Variants in PCCB observed in about 807,000 individuals in gnomAD.
PCCB encodes propionyl-CoA carboxylase subunit beta, also known as propionyl-CoA carboxylase beta chain, mitochondrial.
Under a neutral mutation model 60.7 loss-of-function variants are expected in PCCB, and 43 were observed. The ratio of observed to expected loss-of-function variants is 0.71; its 90% CI spans 0.55 to 0.91. The LOEUF is 0.91. PCCB is among the 40% of genes least tolerant of loss of function. PCCB has a pLI of 0.00. For synonymous variants in PCCB, 276 were observed against 255.9 expected (o/e 1.08, Z -0.75); for missense variants, 766 against 702.8 (o/e 1.09, Z -1.02).
intron 14 of PCCB, among the ~76,000 whole-genome samples, 156 bp downstream of exon 14, chr3:136,329,013 C>G (rs1028753221): frequency 2.6e-5 from 4 of 152,242 alleles, no homozygotes; most frequent in African/African-American, 9.6e-5. Context: ...ATCACTTGGA[C>G]TAAGGACTGT....
At position 136,283,302 on chromosome 3, in the gene PCCB, G is replaced by A. The variant is rs981980061; in HGVS notation, c.544-535G>A. Among the ~76,000 whole-genome samples, 8 of 152,010 alleles carry A rather than the reference G, an allele frequency of 5.3e-5. No individual in the cohort carries two copies. The South Asian group carries it at 6.2e-4, about 12-fold the overall frequency. On this transcript the variant is annotated intron_variant, in intron 5 of 14. Transcript: ENST00000251654. ...TGGAGGCTTTCTGGCTCCTTCTACC[G>A]CCTTCTCTCCTGCATTCCTTGTCTG...
At chr3:136,315,174 G>T (rs1934836715) in intron 9 of PCCB, among the ~76,000 whole-genome samples, 1 of 152,200 alleles carries the variant, frequency 6.6e-6, no homozygotes, top group African/African-American at 2.4e-5. Flanking sequence ...TTCTGGACCA[G>T]AATTTTGTTG....
chr3:136,267,178 C>T (rs1942026453), intron 5 of PCCB, among the ~76,000 whole-genome samples: 1 of 152,264 alleles, frequency 6.6e-6, no homozygotes, highest in South Asian at 2.1e-4. Flanking sequence ...AGCCAGCACA[C>T]TCAGCCTATT....
intron 6 of PCCB, among the ~76,000 whole-genome samples, chr3:136,286,901 C>T (rs770064306): frequency 4.0e-5 from 6 of 151,868 alleles, no homozygotes; most frequent in Non-Finnish European, 8.8e-5. Flanking sequence ...CGTGGTGGTA[C>T]GTGCTTGTAA....
At chr3:136,292,183 C>G (rs1023673394) in intron 6 of PCCB, among the ~76,000 whole-genome samples, 1 of 151,230 alleles carries the variant, frequency 6.6e-6, no homozygotes, top group African/African-American at 2.4e-5. Flanking sequence ...GAAGGAGTAT[C>G]AACTTTTAGC....
Position 136,256,632 on chromosome 3 carries a change from T to A in PCCB, c.372+9T>A. On this transcript the variant is annotated intron_variant, in intron 3 of 14. Coordinates refer to ENST00000251654, the MANE Select transcript of PCCB (RefSeq NM_000532.5). Reference sequence around the variant, plus strand: ...TTTATGTCTTCAGTCAGGTATTTCATAACTCCAATAGTCTGAACTTTTCTT... The same window carrying A: ...TTTATGTCTTCAGTCAGGTATTTCAAAACTCCAATAGTCTGAACTTTTCTT... The A allele has an allele frequency of 6.3e-7, 1 of 1,588,554 alleles. No homozygotes were observed. Among genetic ancestry groups the A allele is most frequent in the Non-Finnish European group, 8.6e-7 (1 of 1,156,664 alleles).
At position 136,254,210 on chromosome 3, in the gene PCCB, G is replaced by A. The variant is rs1236681282; in HGVS notation, c.184-1646G>A. Among the ~76,000 whole-genome samples the A allele has an allele frequency of 2.6e-5, 4 of 151,606 alleles. No homozygotes were observed. In the South Asian group the frequency reaches 8.3e-4, roughly 32 times the overall value. On this transcript the variant is annotated intron_variant, in intron 1 of 14. Coordinates refer to ENST00000251654, the MANE Select transcript of PCCB (RefSeq NM_000532.5). ...GAGCTTGGGAGCCCAAGCAATGGCG[G>A]CTTTTTTTTGTTTGTTTTTGTTTTT...
At chr3:136,260,439 G>A in intron 3 of PCCB, 40 bp from the exon 4 acceptor site, 1 of 1,540,896 alleles carries the variant, frequency 6.5e-7, no homozygotes, top group East Asian at 2.2e-5. Flanking sequence ...TCTCTAGCCA[G>A]TCACTATATT....
At chr3:136,257,882 G>C (rs1248003524) in intron 3 of PCCB, among the ~76,000 whole-genome samples, 3 of 152,158 alleles carry the variant, frequency 2.0e-5, no homozygotes, top group Non-Finnish European at 2.9e-5. Context: ...GCAGTGAGCC[G>C]AGTTTGCGCC....
At chr3:136,317,681 C>T (rs528777526) in intron 10 of PCCB, among the ~76,000 whole-genome samples, 2 of 152,252 alleles carry the variant, frequency 1.3e-5, no homozygotes, top group African/African-American at 4.8e-5. Flanking sequence ...ATGACTCACC[C>T]ACTAATCATG....
chr3:136,316,970 C>T lies in PCCB; in HGVS notation c.996C>T (p.Ile332=), dbSNP rs773854246. The change falls in exon 10 of 15, where the codon ATC becomes ATT. Residue 332 remains isoleucine, a synonymous_variant. Transcript: ENST00000251654. ...TTGATGAGCGTGAATTTTTTGAGAT[C>T]ATGCCCAATTATGCCAAGAACATCA... ...SVVDEREFFE[I]MPNYAKNIIV... is the part of the protein sequence containing the mutation. 3.1e-6 allele frequency: 5 copies of T among 1,614,040 alleles called. No homozygotes were observed. In the Admixed American group the frequency reaches 8.3e-5, roughly 27 times the overall value.
At chr3:136,305,140 G>A (rs1219197499) in intron 9 of PCCB, among the ~76,000 whole-genome samples, 2 of 120,406 alleles carry the variant, frequency 1.7e-5, no homozygotes, top group African/African-American at 2.5e-5. Flanking sequence ...TGTTGCCCAG[G>A]CCAGTGTGCA....
At chr3:136,259,590 C>G (rs1325185858) in intron 3 of PCCB, among the ~76,000 whole-genome samples, 1 of 152,142 alleles carries the variant, frequency 6.6e-6, no homozygotes, top group Non-Finnish European at 1.5e-5. Flanking sequence ...AACTGCAAAT[C>G]ATTTCTTTTT....
chr3:136,299,436 GTA>G (rs753158095), intron 8 of PCCB, among the ~76,000 whole-genome samples: 2 of 151,756 alleles, frequency 1.3e-5, no homozygotes, highest in Non-Finnish European at 2.9e-5. Context: ...GTATGCTTAT[GTA>G]TATATGCATA....
intron 7 of PCCB, among the ~76,000 whole-genome samples, chr3:136,294,470 C>A (rs1933845198): frequency 6.6e-6 from 1 of 151,940 alleles, no homozygotes; most frequent in Admixed American, 6.6e-5. Flanking sequence ...CACCACCACA[C>A]CCAGCAAATT....
intron 9 of PCCB, among the ~76,000 whole-genome samples, chr3:136,313,965 G>A (rs1934774019): frequency 6.6e-6 from 1 of 152,092 alleles, no homozygotes; most frequent in African/African-American, 2.4e-5. Flanking sequence ...CACTGGAGTA[G>A]GATTAGAATT....
At chr3:136,296,291 A>G (rs76677545) in intron 7 of PCCB, among the ~76,000 whole-genome samples, 1,723 of 152,278 alleles carry the variant, frequency 0.011, 29 homozygotes, top group East Asian at 0.047. Context: ...GCTCTAGGCA[A>G]TTACCAGGCT....
chr3:136,326,791 CTCTCTT>C lies in PCCB; in HGVS notation c.1091-8_1091-3del, dbSNP rs1249235758. On this transcript the variant is annotated splice_polypyrimidine_tract_variant and splice_region_variant and intron_variant, in intron 10 of 14. Coordinates refer to ENST00000251654, the MANE Select transcript of PCCB (RefSeq NM_000532.5). ...CCTGGATACTCAGTATGGATAATCT[CTCTCTT>C]TCTAGGATGCTTGGATATTAATTCA... The C allele has an allele frequency of 1.3e-6, 2 of 1,542,626 alleles. No homozygotes were observed. Among genetic ancestry groups the C allele is most frequent in the Admixed American group, 1.7e-5 (1 of 59,936 alleles).
At chr3:136,262,266 C>T (rs899488058) in intron 5 of PCCB, among the ~76,000 whole-genome samples, 1 of 152,090 alleles carries the variant, frequency 6.6e-6, no homozygotes, top group Admixed American at 6.6e-5. Flanking sequence ...TTCATTTTTT[C>T]TAACAGAGGG....
Sources: gnomAD v4.1 joint callset for allele counts (sites outside exome capture counted in the v4.1 genomes callset) on GRCh38, gnomAD v4.1.1 for gene constraint, MANE v1.5 for transcripts, NCBI Gene and HGNC (gene_info 2026-07-23, HGNC 2026-07-21) for gene names.